Variants in SHTN1 observed in about 807,000 individuals in gnomAD.
SHTN1 encodes shootin 1, also known as shootin-1.
Under a neutral mutation model 83.1 loss-of-function variants are expected in SHTN1, and 42 were observed. The ratio of observed to expected loss-of-function variants is 0.51; its 90% CI spans 0.39 to 0.65. The LOEUF is 0.65. Among genes scored for constraint, SHTN1 ranks in the 30% least tolerant of loss-of-function variants. The pLI is 0.00. For synonymous variants in SHTN1, 224 were observed against 247.7 expected, an observed-to-expected ratio of 0.90 and a Z score of 0.90; for missense variants, 622 against 737.8, an observed-to-expected ratio of 0.84 and a Z score of 1.82.
intron 16 of SHTN1, among the ~76,000 whole-genome samples, chr10:116,898,450 A>G (rs1240943437): frequency 5.3e-5 from 8 of 152,188 alleles, no homozygotes; most frequent in Non-Finnish European, 1.0e-4. Flanking sequence ...CTTAATCAAC[A>G]GAAGAGCATG....
chr10:116,912,898 C>T (rs1006987561), intron 13 of SHTN1, among the ~76,000 whole-genome samples: 31 of 152,142 alleles, frequency 2.0e-4, no homozygotes, highest in African/African-American at 7.5e-4. Context: ...TAAGATCCTA[C>T]TTCAAATTTT....
At chr10:116,910,317 T>C (rs990954600) in intron 14 of SHTN1, among the ~76,000 whole-genome samples, 1 of 152,198 alleles carries the variant, frequency 6.6e-6, no homozygotes, top group Non-Finnish European at 1.5e-5. Context: ...TAATGCCAGG[T>C]AAGGCAGTGA....
At chr10:116,948,862 G>A (rs576854332) in intron 7 of SHTN1, 54 bp downstream of exon 7, 56 of 1,245,662 alleles carry the variant, frequency 4.5e-5, no homozygotes, top group African/African-American at 7.8e-5. Context: ...CACAATATAT[G>A]CAAACAGAAC....
chr10:117,098,276 T>A (rs1426310648), intron 1 of SHTN1, among the ~76,000 whole-genome samples: 4 of 150,488 alleles, frequency 2.7e-5, no homozygotes, highest in Non-Finnish European at 5.9e-5. Context: ...GGACGCCTGT[T>A]GTCCCAGCTA....
chr10:117,045,938 G>T (rs1051332370), intron 2 of SHTN1, among the ~76,000 whole-genome samples: 6 of 151,968 alleles, frequency 3.9e-5, no homozygotes, highest in South Asian at 4.1e-4. Flanking sequence ...CTCTAAGAAG[G>T]TATCAAAAAA....
chr10:117,029,862 C>T (rs1484274958), intron 2 of SHTN1, among the ~76,000 whole-genome samples: 1 of 150,666 alleles, frequency 6.6e-6, no homozygotes, highest in Non-Finnish European at 1.5e-5. Context: ...CTCTCTCTCC[C>T]TCCCTCCCTC....
At chr10:117,036,817 A>G (rs1466696985) in intron 2 of SHTN1, among the ~76,000 whole-genome samples, 1 of 152,246 alleles carries the variant, frequency 6.6e-6, no homozygotes, top group Non-Finnish European at 1.5e-5. Flanking sequence ...TAAATGATTG[A>G]GGGGATGGAT....
rs1218121253 is a variant in SHTN1 at position 116,911,451 on chromosome 10, T to C, written c.1359+339A>G. The C allele has an allele frequency of 3.2e-6, 5 of 1,547,016 alleles. No individual in the cohort carries two copies. The South Asian group carries it at 4.8e-5, about 15-fold the overall frequency. On this transcript the variant is annotated intron_variant, in intron 14 of 16. Coordinates refer to ENST00000355371, the MANE Select transcript of SHTN1 (RefSeq NM_001127211.3). Reference sequence around the variant, plus strand: ...TCAAAGTAAAGCATTATTCATCTATTATATTTCTGTTTTTCATCAACATGT... The same window carrying C: ...TCAAAGTAAAGCATTATTCATCTATCATATTTCTGTTTTTCATCAACATGT...
At chr10:117,020,326 A>G (rs1335355801) in intron 2 of SHTN1, among the ~76,000 whole-genome samples, 1 of 151,104 alleles carries the variant, frequency 6.6e-6, no homozygotes, top group Admixed American at 6.6e-5. Flanking sequence ...CCTGTCTCTA[A>G]TAAAAATTAA....
At chr10:116,968,379 C>G (rs1212814044) in intron 3 of SHTN1, among the ~76,000 whole-genome samples, 2 of 152,218 alleles carry the variant, frequency 1.3e-5, no homozygotes, top group African/African-American at 4.8e-5. Flanking sequence ...AAGGAGCCAA[C>G]AAGGCATTTT....
chr10:117,050,175 C>T (rs563600009), intron 1 of SHTN1, among the ~76,000 whole-genome samples: 278 of 151,886 alleles, frequency 1.8e-3, no homozygotes, highest in African/African-American at 6.0e-3. Flanking sequence ...AAAAATAGAA[C>T]GATAACAATA....
In SHTN1 at chr10:117,090,114, A is replaced by T. The variant is rs1014560668; in HGVS notation, c.-189+36193T>A. On this transcript the variant is annotated intron_variant, in intron 1 of 17. Coordinates refer to the SHTN1 transcript ENST00000392901. ...AAGAGATATTTGTACACCCATGTTC[A>T]TGTTCATAGCAGCACTGTTACTAAC... Among the ~76,000 whole-genome samples the T allele has an allele frequency of 3.9e-5, 6 of 152,228 alleles. No individual in the cohort carries two copies. In the South Asian group the frequency reaches 1.2e-3, roughly 32 times the overall value.
At chr10:116,968,415 G>C (rs1850477553) in intron 3 of SHTN1, among the ~76,000 whole-genome samples, 1 of 152,178 alleles carries the variant, frequency 6.6e-6, no homozygotes, top group South Asian at 2.1e-4. Flanking sequence ...TTTCTGTATA[G>C]TTAAACTGTT....
chr10:117,121,936 G>C (rs1323187333), intron 1 of SHTN1, among the ~76,000 whole-genome samples: 2 of 152,150 alleles, frequency 1.3e-5, no homozygotes, highest in African/African-American at 4.8e-5. Context: ...GGAGGCTGAG[G>C]CAGGAGAATG....
intron 2 of SHTN1, among the ~76,000 whole-genome samples, chr10:116,969,585 G>T (rs1343612619): frequency 6.6e-6 from 1 of 152,164 alleles, no homozygotes; most frequent in Non-Finnish European, 1.5e-5. Context: ...TCCATACTAA[G>T]CACATATCAT....
upstream of SHTN1, among the ~76,000 whole-genome samples, chr10:117,006,240 G>GTTTTTTTT (rs11434853): frequency 4.1e-5 from 6 of 147,242 alleles, no homozygotes; most frequent in Non-Finnish European, 4.5e-5. Context: ...GTTTTTTTTT[G>GTTTTTTTT]TTTTTTTTTT....
At chr10:117,006,806 T>C (rs994992495), upstream of SHTN1, among the ~76,000 whole-genome samples, 2 of 152,018 alleles carry the variant, frequency 1.3e-5, no homozygotes, top group African/African-American at 4.8e-5. Context: ...CCAGCTCCAT[T>C]TCTTGTGTTC....
intron 2 of SHTN1, among the ~76,000 whole-genome samples, chr10:117,045,160 T>C (rs1015511608): frequency 5.9e-5 from 9 of 152,196 alleles, no homozygotes; most frequent in African/African-American, 2.2e-4. Flanking sequence ...GAGAATAATC[T>C]GGAATGGTAT....
chr10:116,964,415 CT>C (rs1486646046), intron 3 of SHTN1, among the ~76,000 whole-genome samples: 2 of 152,150 alleles, frequency 1.3e-5, no homozygotes, highest in Non-Finnish European at 2.9e-5. Flanking sequence ...GGTGACTCTA[CT>C]TTTCTATAGT....
Sources: allele counts gnomAD v4.1 joint callset (sites outside exome capture counted in the v4.1 genomes callset), GRCh38; gene constraint gnomAD v4.1.1; transcripts MANE v1.5; gene names NCBI Gene and HGNC (gene_info 2026-07-23, HGNC 2026-07-21).